Variants in AXDND1 observed in about 807,000 individuals in gnomAD.
AXDND1 encodes axonemal dynein light chain domain containing 1.
In AXDND1, 110 loss-of-function variants were observed where a neutral mutation model predicts 137.5. The observed-to-expected ratio is 0.80, with a 90% CI of 0.69 to 0.94. AXDND1 has a LOEUF of 0.94. Among genes scored for constraint, AXDND1 ranks in the 40% least tolerant of loss-of-function variants. AXDND1 has a pLI of 0.00. For synonymous variants in AXDND1, 414 were observed against 399.7 expected, an observed-to-expected ratio of 1.04 and a Z score of -0.43; for missense variants, 1,191 against 1,169.8, an observed-to-expected ratio of 1.02 and a Z score of -0.26.
chr1:179,373,908 T>TAG (rs1668305282), intron 4 of AXDND1, among the ~76,000 whole-genome samples: 1 of 152,176 alleles, frequency 6.6e-6, no homozygotes, highest in African/African-American at 2.4e-5. Flanking sequence ...ATTCAGGGCA[T>TAG]AGGCATGGGC....
chr1:179,531,827 G>C (rs549011633), intron 23 of AXDND1, among the ~76,000 whole-genome samples: 4 of 152,256 alleles, frequency 2.6e-5, no homozygotes, highest in African/African-American at 9.6e-5. Context: ...ATTGATGTCA[G>C]ACGGAGACTA....
At chr1:179,375,529 A>C (rs1254040277) in intron 4 of AXDND1, among the ~76,000 whole-genome samples, 1 of 150,956 alleles carries the variant, frequency 6.6e-6, no homozygotes, top group African/African-American at 2.4e-5. Flanking sequence ...CATATGCATT[A>C]TATATGTATA....
chr1:179,435,116 C>T (rs1238536737), intron 15 of AXDND1, among the ~76,000 whole-genome samples: 1 of 152,052 alleles, frequency 6.6e-6, no homozygotes, highest in Non-Finnish European at 1.5e-5. Context: ...AATAAAATAC[C>T]TAGGAATACA....
intron 2 of AXDND1, among the ~76,000 whole-genome samples, chr1:179,368,499 C>T (rs142010068): frequency 2.0e-5 from 3 of 152,250 alleles, no homozygotes; most frequent in African/African-American, 7.2e-5. Context: ...CTCCCAGTTA[C>T]CTGAGCAAGT....
rs925634723 is a variant in AXDND1, at chr1:179,366,417, C to T, written c.-93C>T. ...CTCTGCCTGCAGGACTATGTGGCAG[C>T]CTGCAAGTCCCAGTGCGGCGCTGAT... On this transcript the variant is annotated 5_prime_UTR_variant, in exon 2 of 26. Coordinates refer to ENST00000367618, the MANE Select transcript of AXDND1 (RefSeq NM_144696.6). 24 of 945,152 alleles carry T rather than the reference C, an allele frequency of 2.5e-5. No individual in the cohort carries two copies. In the African/African-American group the frequency reaches 3.6e-4, roughly 14 times the overall value. The allele number at this position is 945,152 out of a possible 1,614,324, so 58.5% of individuals were successfully genotyped here. A position where few individuals can be genotyped will look rare whatever the true frequency, so the allele number is the denominator to read the frequency against.
At chr1:179,370,334 C>T (rs1290078733) in intron 4 of AXDND1, among the ~76,000 whole-genome samples, 1 of 152,164 alleles carries the variant, frequency 6.6e-6, no homozygotes, top group Non-Finnish European at 1.5e-5. Context: ...CCTTTGTATA[C>T]TTGTCCCTAT....
intron 16 of AXDND1, chr1:179,452,126 T>C (rs1467032808): frequency 6.5e-6 from 1 of 153,182 alleles, no homozygotes; most frequent in Non-Finnish European, 1.5e-5. Flanking sequence ...CAGGCTAAGG[T>C]GGTCTCAGAT....
At chr1:179,501,377 G>C (rs1008038458) in intron 20 of AXDND1, among the ~76,000 whole-genome samples, 1 of 152,070 alleles carries the variant, frequency 6.6e-6, no homozygotes, top group Non-Finnish European at 1.5e-5. Flanking sequence ...ATATAAGCAT[G>C]GCATACAGAA....
At chr1:179,542,663 T>C (rs1672275922) in intron 25 of AXDND1, among the ~76,000 whole-genome samples, 1 of 152,236 alleles carries the variant, frequency 6.6e-6, no homozygotes, top group Admixed American at 6.5e-5. Context: ...CTTGTTAAAC[T>C]AGAGAGGTTA....
chr1:179,467,407 TA>T (rs928591959), intron 16 of AXDND1, among the ~76,000 whole-genome samples: 3 of 151,842 alleles, frequency 2.0e-5, no homozygotes, highest in Admixed American at 6.6e-5. Context: ...CAAAAATACT[TA>T]AAAAAAATTA....
intron 11 of AXDND1, among the ~76,000 whole-genome samples, chr1:179,403,676 T>C (rs1396714964): frequency 2.0e-5 from 3 of 152,084 alleles, no homozygotes; most frequent in Non-Finnish European, 4.4e-5. Context: ...TGAATTCAAG[T>C]GATTCTCCTG....
rs1460127286 is a variant in AXDND1 at position 179,378,188 on chromosome 1, A to G, written c.375-449A>G. On this transcript the variant is annotated intron_variant, in intron 4 of 25. Coordinates refer to ENST00000367618, the MANE Select transcript of AXDND1 (RefSeq NM_144696.6). The stretch of plus-strand genomic sequence containing the variant: ...TCTGTGTCAAAATAATAATAATGAT[A>G]ATAACAATCACAACATGACAGCAAT... Among the ~76,000 whole-genome samples the G allele has an allele frequency of 7.2e-5, 11 of 152,182 alleles. No individual in the cohort carries two copies. The East Asian group carries it at 1.7e-3, about 24-fold the overall frequency.
At chr1:179,389,953 G>A (rs924242588) in intron 9 of AXDND1, among the ~76,000 whole-genome samples, 1 of 151,834 alleles carries the variant, frequency 6.6e-6, no homozygotes, top group African/African-American at 2.4e-5. Context: ...AAGATTAAAC[G>A]ACCAGTCAAC....
chr1:179,411,417 T>C (rs1571707692), intron 12 of AXDND1, 151 bp downstream of exon 12: 3 of 1,036,414 alleles, frequency 2.9e-6, no homozygotes, highest in Non-Finnish European at 4.1e-6. Context: ...TGATCTCGGC[T>C]CACTGCAACC....
intron 12 of AXDND1, among the ~76,000 whole-genome samples, chr1:179,426,064 C>T (rs999838270): frequency 1.2e-4 from 18 of 151,892 alleles, no homozygotes; most frequent in African/African-American, 7.3e-5. Flanking sequence ...CTCAAACTCC[C>T]GACCTTGTCA....
intron 21 of AXDND1, among the ~76,000 whole-genome samples, chr1:179,513,599 C>G (rs1277637828): frequency 6.6e-6 from 1 of 152,038 alleles, no homozygotes; most frequent in Non-Finnish European, 1.5e-5. Flanking sequence ...AGGGAAGGTT[C>G]CCTTTTTTCT....
chr1:179,462,649 G>A (rs1463276306), intron 16 of AXDND1, among the ~76,000 whole-genome samples: 2 of 152,222 alleles, frequency 1.3e-5, no homozygotes, highest in Admixed American at 6.5e-5. Flanking sequence ...ACCTCTGGTA[G>A]AATTTGGCTG....
At chr1:179,473,726 C>T (rs971415918) in intron 17 of AXDND1, among the ~76,000 whole-genome samples, 3 of 152,066 alleles carry the variant, frequency 2.0e-5, no homozygotes, top group Non-Finnish European at 4.4e-5. Flanking sequence ...AGAGCAGTTA[C>T]CCCCACGCTG....
intron 21 of AXDND1, 142 bp from the exon 22 acceptor site, chr1:179,525,192 C>T: frequency 1.3e-6 from 1 of 745,074 alleles, no homozygotes; most frequent in East Asian, 3.4e-5. Flanking sequence ...TTCTTAAGGA[C>T]AGGGACTATT....
Sources: allele counts gnomAD v4.1 joint callset (sites outside exome capture counted in the v4.1 genomes callset), GRCh38; gene constraint gnomAD v4.1.1; transcripts MANE v1.5; gene names NCBI Gene and HGNC (gene_info 2026-07-23, HGNC 2026-07-21).